The following NLRP9 variants were observed in gnomAD, a reference collection of about 807,000 sequenced individuals.
NLRP9 encodes NLR family pyrin domain containing 9.
Under a neutral mutation model 83.1 loss-of-function variants are expected in NLRP9, and 88 were observed. The ratio of observed to expected loss-of-function variants is 1.06; its 90% confidence interval spans 0.89 to 1.26. The LOEUF is 1.26. Among genes scored for constraint, NLRP9 ranks in the 50% most tolerant of loss-of-function variants. The pLI is 0.00. For synonymous variants in NLRP9, 521 were observed against 447.6 expected (o/e 1.16, Z -2.07); for missense variants, 1,308 against 1,179.3 (o/e 1.11, Z -1.60).
At chr19:55,712,318 C>T in intron 7 of NLRP9, 102 bp downstream of exon 7, 1 of 1,005,318 alleles carries the variant, frequency 9.9e-7, no homozygotes, top group African/African-American at 1.6e-5. Flanking sequence ...CCCAGAGGGA[C>T]TTGCTTTTAA....
At chr19:55,714,011 G>A (rs1987912124) in intron 6 of NLRP9, among the ~76,000 whole-genome samples, 1 of 147,372 alleles carries the variant, frequency 6.8e-6, no homozygotes, top group Admixed American at 6.9e-5. Flanking sequence ...TGTCAATACT[G>A]AGAATCTAGG....
At position 55,708,741 on chromosome 19, in the gene NLRP9, C is replaced by T. The variant is rs1309721143; in HGVS notation, c.*171G>A. ...ATAGGACCGAGGCAAAGACAATCAG[C>T]ATGTACACTGAATCACACTCCATAA... is the stretch of plus-strand genomic sequence containing the variant. On this transcript the variant is annotated 3_prime_UTR_variant, in exon 9 of 9. Coordinates refer to ENST00000332836, the MANE Select transcript of NLRP9 (RefSeq NM_176820.4). The T allele has an allele frequency of 6.1e-6, 3 of 495,518 alleles. No individual in the cohort carries two copies. Among genetic ancestry groups the T allele is most frequent in the Non-Finnish European group, 3.6e-6 (1 of 279,074 alleles). The allele number at this position is 495,518 out of a possible 1,614,324, so 30.7% of individuals were successfully genotyped here. A position where few individuals can be genotyped will look rare whatever the true frequency, so the allele number is the denominator to read the frequency against.
intron 3 of NLRP9, among the ~76,000 whole-genome samples, chr19:55,727,067 A>C (rs1988425221): frequency 6.6e-6 from 1 of 152,152 alleles, no homozygotes; most frequent in South Asian, 2.1e-4. Context: ...AGCCCGGCCA[A>C]CATAGTGAAA....
In NLRP9 at chr19:55,729,984, T is replaced by C. The variant is rs1457498905; in HGVS notation, c.1841A>G (p.Glu614Gly). 6.2e-7 allele frequency: 1 copy of C among 1,612,466 alleles called. No individual in the cohort carries two copies. The highest frequency in any genetic ancestry group is 1.3e-5 in the African/African-American group (1 of 74,800). Residue 614 changes from glutamate to glycine, a missense_variant, in exon 3 of 9, where the codon GAG (glutamate) becomes GGG (glycine). By Grantham distance (98) the Glu-to-Gly change is moderately conservative. Transcript: ENST00000332836. ...AAGCTCCCGCCAGTAGACGAGCTTC[T>C]CATTGTAACTATGAGAGAACAAAGA... ...DDSGCISDYNEKLVYWRELCS... is the reference protein window; with the variant it reads ...DDSGCISDYNGKLVYWRELCS...
intron 6 of NLRP9, among the ~76,000 whole-genome samples, chr19:55,713,427 C>T (rs1273333723): frequency 1.3e-5 from 2 of 151,680 alleles, no homozygotes; most frequent in Non-Finnish European, 2.9e-5. Context: ...TACCCACACT[C>T]ACACATATAT....
At chr19:55,737,734 TAAAA>T (rs57736610) in intron 1 of NLRP9, 1,321 of 80,170 alleles carry the variant, frequency 0.016, 5 homozygotes, top group South Asian at 0.062. Flanking sequence ...ACCCTTTCTC[TAAAA>T]AAAAAAAAAA....
chr19:55,732,557 C>A lies in NLRP9; in HGVS notation c.1274G>T (p.Gly425Val). The change falls in exon 2 of 9, where the codon GGC (glycine) becomes GTC (valine). Residue 425 changes from glycine (G) to valine (V), a missense_variant. Physicochemically the swap from Gly to Val is moderately radical, Grantham distance 109 (BLOSUM62 -3). Coordinates refer to ENST00000332836, the MANE Select transcript of NLRP9 (RefSeq NM_176820.4). ...LRRNGLSESEGVMWVGMRLLQ... is the reference protein window; with the variant it reads ...LRRNGLSESEVVMWVGMRLLQ... The stretch of plus-strand genomic sequence containing the variant: ...GAGTCTCATACCCACCCACATCACG[C>A]CCTCAGACTCAGATAACCCATTCCT... The A allele has an allele frequency of 6.2e-7, 1 of 1,614,198 alleles. No homozygotes were observed. The highest frequency in any genetic ancestry group is 8.5e-7 in the Non-Finnish European group (1 of 1,180,038).
intron 8 of NLRP9, 41 bp from the exon 9 acceptor site, chr19:55,709,085 T>C (rs753614738): frequency 6.7e-7 from 1 of 1,490,466 alleles, no homozygotes; most frequent in Non-Finnish European, 9.0e-7. Flanking sequence ...TGTTTTTCAT[T>C]TTTACACAGT....
Position 55,733,251 on chromosome 19 carries a change from C to T in NLRP9, c.580G>A (p.Ala194Thr), listed in dbSNP as rs373989650. 6.2e-6 allele frequency: 10 copies of T among 1,613,608 alleles called. No homozygotes were observed. Among genetic ancestry groups the T allele is most frequent in the South Asian group, 4.4e-5 (4 of 91,052 alleles). The change falls in exon 2 of 9, where the codon GCA (alanine) becomes ACA (threonine). Residue 194 changes from alanine (A) to threonine (T), a missense_variant. Coordinates refer to ENST00000332836, the MANE Select transcript of NLRP9 (RefSeq NM_176820.4). The part of the protein sequence containing the change: ...FLNVCEMNGI[A>T]ETSLLELLSR... ...AGGAGCTCCAGTAAGCTGGTCTCTG[C>T]GATACCGTTCATTTCACAGACATTG...
rs546226825 is a variant in NLRP9 at position 55,710,592 on chromosome 19, C to T, written c.2843+1208G>A. Among the ~76,000 whole-genome samples the T allele has an allele frequency of 7.2e-4, 110 of 152,236 alleles. 4 individuals carry two copies. The South Asian group carries it at 0.022, about 30-fold the overall frequency. On this transcript the variant is annotated intron_variant, in intron 8 of 8. Transcript: ENST00000332836. Reference sequence around the variant, plus strand: ...GGTGCTGTTCTCATGATAGAGTTCTCACGAGATCTGGTTGTTTAAAAGTGT... The same window carrying T: ...GGTGCTGTTCTCATGATAGAGTTCTTACGAGATCTGGTTGTTTAAAAGTGT...
At chr19:55,729,666 T>C (rs1988511829) in intron 3 of NLRP9, among the ~76,000 whole-genome samples, 165 bp downstream of exon 3, 1 of 152,204 alleles carries the variant, frequency 6.6e-6, no homozygotes, top group African/African-American at 2.4e-5. Flanking sequence ...TCCAAGTCTT[T>C]GCTATTGTGA....
intron 3 of NLRP9, among the ~76,000 whole-genome samples, chr19:55,724,771 A>C (rs948325896): frequency 7.2e-5 from 11 of 152,134 alleles, no homozygotes; most frequent in African/African-American, 2.7e-4. Context: ...GGTAATTAAG[A>C]AATTAACATT....
At position 55,716,943 on chromosome 19, in the gene NLRP9, C is replaced by T. The variant is rs118067722; in HGVS notation, c.2160-45G>A. ...CATGAGACGGACCAAAGCTTTCAATCGCTCATGAAACATTATCCACAGACC... is the reference window on the plus strand; with the variant it reads ...CATGAGACGGACCAAAGCTTTCAATTGCTCATGAAACATTATCCACAGACC... On this transcript the variant is annotated intron_variant, in intron 4 of 8. Transcript: ENST00000332836. 2.5e-3 allele frequency: 3,795 copies of T among 1,544,216 alleles called. 8 individuals carry two copies. The highest frequency in any genetic ancestry group is 3.2e-3 in the Non-Finnish European group (3,584 of 1,119,634).
rs1988519491 is a variant in NLRP9 at position 55,729,871 on chromosome 19, T to C, written c.1954A>G (p.Lys652Glu). Residue 652 changes from lysine to glutamate, a missense_variant, in exon 3 of 9, where the codon AAA (lysine) becomes GAA (glutamate). Coordinates refer to ENST00000332836, the MANE Select transcript of NLRP9 (RefSeq NM_176820.4). ...LDDPSLAILC[K>E]ALAQPVCKLR... Reference sequence around the variant, plus strand: ...TTACAAACAGGCTGAGCCAGCGCTTTGCAAAGAATCGCCAGGGAGGGATCA... The same window carrying C: ...TTACAAACAGGCTGAGCCAGCGCTTCGCAAAGAATCGCCAGGGAGGGATCA... The C allele has an allele frequency of 6.2e-7, 1 of 1,613,872 alleles. No individual in the cohort carries two copies. Among genetic ancestry groups the C allele is most frequent in the Non-Finnish European group, 8.5e-7 (1 of 1,179,808 alleles).
intron 5 of NLRP9, 74 bp downstream of exon 5, chr19:55,716,654 G>A (rs993255828): frequency 5.4e-5 from 69 of 1,284,858 alleles, no homozygotes; most frequent in Non-Finnish European, 7.3e-5. Flanking sequence ...TGAGCACCGC[G>A]TTGCTTTGAT....
chr19:55,733,097 T>C lies in NLRP9; in HGVS notation c.734A>G (p.Asp245Gly), dbSNP rs753231704. 1.1e-5 allele frequency: 18 copies of C among 1,614,008 alleles called. No individual in the cohort carries two copies. The East Asian group carries it at 4.0e-4, about 36-fold the overall frequency. ...FNLQLKADLS[D>G]DWRQRQPMPI... ...CATTGGCTGCCGCTGCCTCCAATCA[T>C]CGCTCAAGTCAGCCTTAAGTTGTAA... Residue 245 changes from aspartate (D) to glycine (G), a missense_variant, in exon 2 of 9, where the codon GAT becomes GGT. Physicochemically the swap from Asp to Gly is moderately conservative, Grantham distance 94 (BLOSUM62 -1). Coordinates refer to ENST00000332836, the MANE Select transcript of NLRP9 (RefSeq NM_176820.4).
intron 4 of NLRP9, among the ~76,000 whole-genome samples, chr19:55,720,942 GCAAATTAAAAC>G (rs1336663414): frequency 6.6e-6 from 1 of 152,158 alleles, no homozygotes; most frequent in African/African-American, 2.4e-5. Flanking sequence ...TTAGAGAAAT[GCAAATTAAAAC>G]CACTCAGATA....
intron 6 of NLRP9, among the ~76,000 whole-genome samples, chr19:55,714,386 A>G (rs959462397): frequency 1.3e-5 from 2 of 150,840 alleles, no homozygotes; most frequent in African/African-American, 4.9e-5. Flanking sequence ...CGATTCTTTA[A>G]GGAGGCTCTA....
Position 55,718,763 on chromosome 19 carries a change from G to C in NLRP9, c.2160-1865C>G, listed in dbSNP as rs117899701. Among the ~76,000 whole-genome samples the C allele has an allele frequency of 3.8e-3, 585 of 152,302 alleles. 3 individuals are homozygous for C. The highest frequency in any genetic ancestry group is 6.6e-3 in the Non-Finnish European group (451 of 68,018). On this transcript the variant is annotated intron_variant, in intron 4 of 8. Coordinates refer to ENST00000332836, the MANE Select transcript of NLRP9 (RefSeq NM_176820.4). ...CAGTGCGGGTCCTCGCACGTTAAGC[G>C]TCTGTCCCCTGGGCCCACTGTTCTT...
Sources: allele counts gnomAD v4.1 joint callset (sites outside exome capture counted in the v4.1 genomes callset), GRCh38; gene constraint gnomAD v4.1.1; transcripts MANE v1.5; gene names NCBI Gene and HGNC (gene_info 2026-07-23, HGNC 2026-07-21).